Variants in PLAAT4 observed in about 807,000 individuals in gnomAD.
PLAAT4 encodes HRAS-like suppressor 4.
In PLAAT4, 12 loss-of-function variants were observed where a neutral mutation model predicts 14.1. That is an observed-to-expected ratio of 0.85 (90% CI 0.54 to 1.37). PLAAT4 has a LOEUF of 1.37. Among genes scored for constraint, PLAAT4 ranks in the 40% most tolerant of loss-of-function variants. The pLI is 0.00. For missense variants in PLAAT4, 163 were observed against 211.7 expected (o/e 0.77, Z 1.43); for synonymous variants, 77 against 79.8 (o/e 0.96, Z 0.19).
At chr11:63,539,689 C>T (rs1380210821) in intron 2 of PLAAT4, 65 bp downstream of exon 2, 43 of 1,289,628 alleles carry the variant, frequency 3.3e-5, no homozygotes, top group Non-Finnish European at 4.2e-5. Context: ...GGGCCGGGCA[C>T]GGTGGCTCAT....
rs1480710380 is a variant in PLAAT4, at chr11:63,539,626, T to G, written c.118+2T>G. The G allele has an allele frequency of 1.1e-5, 17 of 1,587,504 alleles. No homozygotes were observed. The highest frequency in any genetic ancestry group is 1.3e-5 in the African/African-American group (1 of 74,412). ...ACGTGATCCATCTGGCTCCTCCAAG[T>G]AAGGACTGATGAATATATAATTTTC... On this transcript the variant is annotated splice_donor_variant, in intron 2 of 3. Coordinates refer to ENST00000255688, the MANE Select transcript of PLAAT4 (RefSeq NM_004585.5). LOFTEE classifies it high-confidence loss of function.
intron 2 of PLAAT4, among the ~76,000 whole-genome samples, chr11:63,541,558 G>A (rs991346938): frequency 7.4e-6 from 1 of 135,572 alleles, no homozygotes; most frequent in African/African-American, 2.8e-5. Flanking sequence ...CTGAGACAGT[G>A]TCTTACTCTG....
chr11:63,541,527 CTTT>C (rs36001314), intron 2 of PLAAT4, among the ~76,000 whole-genome samples: 2 of 134,862 alleles, frequency 1.5e-5, no homozygotes, highest in Non-Finnish European at 1.6e-5. Flanking sequence ...TCTCTCTTTC[CTTT>C]TTTTTTTTTT....
intron 1 of PLAAT4, among the ~76,000 whole-genome samples, chr11:63,539,262 G>A (rs1002609861): frequency 2.6e-5 from 4 of 152,136 alleles, no homozygotes; most frequent in Non-Finnish European, 1.5e-5. Flanking sequence ...CACACACACA[G>A]CACACACATG....
chr11:63,542,610 C>T (rs1331222891), intron 2 of PLAAT4, among the ~76,000 whole-genome samples: 1 of 152,148 alleles, frequency 6.6e-6, no homozygotes, highest in Non-Finnish European at 1.5e-5. Context: ...ACCTATTTGG[C>T]TTCCGTCTTT....
chr11:63,536,959 G>A (rs2017275445), intron 1 of PLAAT4, 82 bp downstream of exon 1: 1 of 1,508,316 alleles, frequency 6.6e-7, no homozygotes, highest in African/African-American at 1.4e-5. Flanking sequence ...CCAGGCTCCT[G>A]GCCTTGGGCA....
intron 2 of PLAAT4, among the ~76,000 whole-genome samples, chr11:63,544,270 C>T (rs929851622): frequency 3.9e-5 from 6 of 152,172 alleles, no homozygotes; most frequent in African/African-American, 1.4e-4. Context: ...GCAATCATGA[C>T]ATTCACTGAC....
intron 2 of PLAAT4, among the ~76,000 whole-genome samples, chr11:63,540,949 T>A (rs895494367): frequency 7.2e-5 from 11 of 152,230 alleles, no homozygotes; most frequent in African/African-American, 2.2e-4. Context: ...TGTTCTCTTT[T>A]CACCAAGCAT....
rs374442728 is a variant in PLAAT4 at position 63,546,217 on chromosome 11, T to G, written c.456T>G (p.Ser152=). 14 of 1,613,974 alleles carry G rather than the reference T, an allele frequency of 8.7e-6. No individual in the cohort carries two copies. Among genetic ancestry groups the G allele is most frequent in the Non-Finnish European group, 1.0e-5 (12 of 1,180,012 alleles). Residue 152 remains serine (S), a synonymous_variant, in exon 4 of 4, where the codon TCT becomes TCG. Transcript: ENST00000255688. ...GAATCCTGGTTGTTGCTGGATGCTC[T>G]TTTGCGATTAGGAGATACCAAAAAA... The part of the protein sequence containing the change: ...ALGILVVAGC[S]FAIRRYQKKA...
At chr11:63,538,369 G>C in intron 1 of PLAAT4, 1 of 381,660 alleles carries the variant, frequency 2.6e-6, no homozygotes, top group East Asian at 1.0e-4. Context: ...GGCTGGTCAG[G>C]GGGTTGTGGG....
chr11:63,537,786 C>G (rs1243224550), intron 1 of PLAAT4, among the ~76,000 whole-genome samples: 2 of 152,234 alleles, frequency 1.3e-5, no homozygotes, highest in African/African-American at 4.8e-5. Context: ...TTTCTCCTCC[C>G]TCTTCCTTGT....
rs1208242697 is a variant in PLAAT4 at position 63,540,975 on chromosome 11, A to G, written c.118+1351A>G. The stretch of plus-strand genomic sequence containing the variant: ...CACCAAGCATTTACATTGTCACTGG[A>G]CAAAAACCATTCCCATCACTATCAG... On this transcript the variant is annotated intron_variant, in intron 2 of 3. Transcript: ENST00000255688. 1.3e-5 allele frequency among the ~76,000 whole-genome samples: 2 copies of G among 152,208 alleles called. 1 individual carries two copies. Among genetic ancestry groups the G allele is most frequent in the Non-Finnish European group, 2.9e-5 (2 of 68,046 alleles).
intron 2 of PLAAT4, 63 bp from the exon 3 acceptor site, chr11:63,544,558 G>C (rs1256920148): frequency 5.3e-6 from 8 of 1,518,006 alleles, no homozygotes; most frequent in Middle Eastern, 2.1e-4. Flanking sequence ...CCTTAGTGGA[G>C]ATTTCAAGCC....
In PLAAT4 at chr11:63,539,527, G is replaced by A. The variant is rs2134356300; in HGVS notation, c.21G>A (p.Glu7=). MASPHQ[E]PKPGDLIEIF... ...CTTTTCTGTTGCAGCCACACCAAGA[G>A]CCCAAACCTGGAGACCTGATTGAGA... The change falls in exon 2 of 4, where the codon GAG becomes GAA. Residue 7 remains glutamate, a synonymous_variant. Coordinates refer to ENST00000255688, the MANE Select transcript of PLAAT4 (RefSeq NM_004585.5). 6.2e-7 allele frequency: 1 copy of A among 1,613,962 alleles called. No homozygotes were observed. Among genetic ancestry groups the A allele is most frequent in the East Asian group, 2.2e-5 (1 of 44,880 alleles).
In PLAAT4 at chr11:63,544,604, A is replaced by G. The variant is rs1386699148; in HGVS notation, c.119-17A>G. ...TACTTCACCTTCCCCTGCCAGTGAG[A>G]GTGCCTCTGATTGCAGGTGAGTACC... On this transcript the variant is annotated splice_polypyrimidine_tract_variant and intron_variant, in intron 2 of 3. Transcript: ENST00000255688. The G allele has an allele frequency of 1.2e-6, 2 of 1,603,514 alleles. No homozygotes were observed. The highest frequency in any genetic ancestry group is 1.7e-6 in the Non-Finnish European group (2 of 1,171,758).
chr11:63,545,627 T>C (rs1020644583), intron 3 of PLAAT4, among the ~76,000 whole-genome samples: 1 of 152,014 alleles, frequency 6.6e-6, no homozygotes, highest in African/African-American at 2.4e-5. Context: ...CAGCTGGAGA[T>C]GGAAGTTTCC....
intron 1 of PLAAT4, 98 bp downstream of exon 1, chr11:63,536,975 C>A: frequency 7.2e-7 from 1 of 1,386,574 alleles, no homozygotes; most frequent in Non-Finnish European, 9.9e-7. Flanking sequence ...GGGCACACAG[C>A]TCCAGAGCTC....
chr11:63,536,933 T>C (rs2017275271), intron 1 of PLAAT4, 56 bp downstream of exon 1: 2 of 1,592,466 alleles, frequency 1.3e-6, no homozygotes, highest in African/African-American at 2.7e-5. Context: ...CAGCTCCCCC[T>C]AGGAAAGGCC....
chr11:63,538,322 A>G, intron 1 of PLAAT4: 1 of 360,208 alleles, frequency 2.8e-6, no homozygotes, highest in East Asian at 1.1e-4. Context: ...ATGGGTTCTG[A>G]GGAGTTGGAT....
Sources: allele counts gnomAD v4.1 joint callset (sites outside exome capture counted in the v4.1 genomes callset), GRCh38; gene constraint gnomAD v4.1.1; transcripts MANE v1.5; gene names NCBI Gene and HGNC (gene_info 2026-07-23, HGNC 2026-07-21).